Variants in C5 observed in about 807,000 individuals in gnomAD.
The protein encoded by C5 is C3 and PZP-like alpha-2-macroglobulin domain-containing protein 4.
C5 carries 140 observed loss-of-function variants against 218.8 expected under a neutral mutation model. That is an observed-to-expected ratio of 0.64 (90% CI 0.56 to 0.74). C5 has a LOEUF of 0.74. Ranked by LOEUF, C5 falls within the 30% of genes least tolerant of loss-of-function variation. The probability of loss-of-function intolerance (pLI) is 0.00; values close to 1 mark genes in which losing one functional copy is unlikely to be tolerated. For missense variants in C5, 1,700 were observed against 1,969.6 expected (o/e 0.86, Z 2.59); for synonymous variants, 614 against 682.3 (o/e 0.90, Z 1.56).
intron 7 of C5, among the ~76,000 whole-genome samples, chr9:121,029,063 T>C (rs189040680): frequency 2.0e-5 from 3 of 152,344 alleles, no homozygotes; most frequent in East Asian, 3.9e-4. Flanking sequence ...CTCACTGTTA[T>C]ATGAGATCTA....
chr9:121,004,872 C>T (rs914201574), intron 20 of C5, among the ~76,000 whole-genome samples: 2 of 151,420 alleles, frequency 1.3e-5, no homozygotes, highest in African/African-American at 4.9e-5. Context: ...TTTAAGATAC[C>T]AATATTTAAA....
chr9:120,961,571 G>A lies in C5; in HGVS notation c.4505-6C>T. 6.3e-7 allele frequency: 1 copy of A among 1,589,214 alleles called. No individual in the cohort carries two copies. The highest frequency in any genetic ancestry group is 1.3e-5 in the African/African-American group (1 of 74,512). ...AAACATGGTACACTGTTTATCTGTG[G>A]CAACAAAAGTGTGGTTAAGAGAAGT... On this transcript the variant is annotated splice_polypyrimidine_tract_variant and splice_region_variant and intron_variant, in intron 36 of 40. Coordinates refer to ENST00000223642, the MANE Select transcript of C5 (RefSeq NM_001735.3).
chr9:121,059,205 T>C, the C5 span, among the ~76,000 whole-genome samples: 1 of 152,116 alleles, frequency 6.6e-6, no homozygotes, highest in Non-Finnish European at 1.5e-5. The surrounding 1 kb of genome is among the most constrained non-coding windows in gnomAD (Gnocchi z 4.1). Context: ...TCCTAAATAA[T>C]AATGGAATAG....
rs759910064 is a variant in C5, at chr9:121,014,086, T to C, written c.2060-16A>G. 1 of 1,607,482 alleles carries C rather than the reference T, an allele frequency of 6.2e-7. No homozygotes were observed. Among genetic ancestry groups the C allele is most frequent in the South Asian group, 1.1e-5 (1 of 90,918 alleles). ...TATTTAGCAGCTGAAATGGTAATAA[T>C]GCAAGTGCTCTTGATGACGCAGAGT... On this transcript the variant is annotated splice_polypyrimidine_tract_variant and intron_variant, in intron 16 of 40. Transcript: ENST00000223642.
At chr9:121,024,742 T>C (rs149206486) in intron 9 of C5, among the ~76,000 whole-genome samples, 3 of 152,346 alleles carry the variant, frequency 2.0e-5, no homozygotes, top group South Asian at 4.1e-4. Flanking sequence ...TGAATCCTAT[T>C]GCATTAATAT....
chr9:120,981,561 T>G (rs193019619), intron 27 of C5, among the ~76,000 whole-genome samples: 7 of 152,300 alleles, frequency 4.6e-5, no homozygotes, highest in African/African-American at 7.2e-5. Context: ...AGCTATCAGT[T>G]TTAGACCCAG....
Position 121,050,192 on chromosome 9 carries a change from G to A in C5, c.55C>T (p.Gln19Ter), listed in dbSNP as rs121909587. ...GCTTGTTTTACTTACGTTTGCTCCT[G>A]TCCCCAGGTTTTCCCCAGGAAGATT... ...FLIFLGKTWG[Q>*]EQTYVISAPK... The change falls in exon 1 of 41, where the codon CAG (glutamine) becomes TAG (stop). Residue 19 changes from glutamine (Q) to a stop codon, truncating the protein, a stop_gained. Transcript: ENST00000223642. LOFTEE classifies it high-confidence loss of function. 128 of 1,613,268 alleles carry A rather than the reference G, an allele frequency of 7.9e-5. 1 individual carries two copies. The African/African-American group carries it at 1.5e-3, about 18-fold the overall frequency.
rs922606146 is a variant in C5, at chr9:121,004,216, T to C, written c.2562+1703A>G. ...ATTTTATTTCTATATTTAATAACTT[T>C]AGAAATATGTTATTTTATCAATAGT... is the stretch of plus-strand genomic sequence containing the variant. On this transcript the variant is annotated intron_variant, in intron 20 of 40. Coordinates refer to ENST00000223642, the MANE Select transcript of C5 (RefSeq NM_001735.3). Among the ~76,000 whole-genome samples the C allele has an allele frequency of 6.6e-5, 10 of 152,068 alleles. 1 individual carries two copies. Among genetic ancestry groups the C allele is most frequent in the East Asian group, 1.9e-4 (1 of 5,200 alleles).
the C5 span, among the ~76,000 whole-genome samples, chr9:121,063,388 C>T: frequency 5.9e-5 from 9 of 151,884 alleles, no homozygotes; most frequent in East Asian, 5.8e-4. Flanking sequence ...TTATAATTTT[C>T]GTCTTATTCT....
intron 33 of C5, 28 bp from the exon 34 acceptor site, chr9:120,963,766 T>C (rs1298254715): frequency 1.3e-6 from 2 of 1,520,806 alleles, no homozygotes; most frequent in South Asian, 2.3e-5. Context: ...TTAGAAAATA[T>C]AATAAATAAG....
intron 25 of C5, among the ~76,000 whole-genome samples, chr9:120,987,244 T>C (rs2047039314): frequency 6.6e-6 from 1 of 152,146 alleles, no homozygotes; most frequent in South Asian, 2.1e-4. Flanking sequence ...TAGGGGGCCA[T>C]TGGCCTAGAT....
chr9:121,053,582 C>T (rs558345819), upstream of C5, among the ~76,000 whole-genome samples: 1 of 152,190 alleles, frequency 6.6e-6, no homozygotes, highest in East Asian at 1.9e-4. Context: ...GGTGAGTGAT[C>T]ACAGTGCCTA....
At chr9:120,998,557 T>C (rs2047136502) in intron 20 of C5, among the ~76,000 whole-genome samples, 1 of 152,226 alleles carries the variant, frequency 6.6e-6, no homozygotes, top group African/African-American at 2.4e-5. Flanking sequence ...GCCCTGCCCA[T>C]TATGTCCCCA....
Position 121,004,983 on chromosome 9 carries a change from T to TAA in C5, c.2562+934_2562+935dup, listed in dbSNP as rs41309886. Among the ~76,000 whole-genome samples, 353 of 150,060 alleles carry TAA rather than the reference T, an allele frequency of 2.4e-3. 1 individual carries two copies. The highest frequency in any genetic ancestry group is 7.6e-3 in the African/African-American group (313 of 41,018). On this transcript the variant is annotated intron_variant, in intron 20 of 40. Coordinates refer to ENST00000223642, the MANE Select transcript of C5 (RefSeq NM_001735.3). ...CAGAGGGCAGAGCGAGACTCCGTCT[T>TAA]AAAAAAAAAAGTGTCAGAGGGATAC...
intron 16 of C5, 150 bp from the exon 17 acceptor site, chr9:121,014,220 G>A (rs2047287795): frequency 5.5e-6 from 4 of 722,984 alleles, no homozygotes; most frequent in Admixed American, 2.0e-5. Context: ...GACTCCCCTT[G>A]GAACTATTCT....
Position 120,981,904 on chromosome 9 carries a change from T to C in C5, c.3426A>G (p.Leu1142=), listed in dbSNP as rs887294548. The change falls in exon 27 of 41, where the codon TTA becomes TTG. Residue 1142 remains leucine, a synonymous_variant. Coordinates refer to ENST00000223642, the MANE Select transcript of C5 (RefSeq NM_001735.3). ...TLPVEARENS[L]YLTAFTVIGI... ...CAATCACAGTAAAGGCTGTAAGATA[T>C]AAGCTGTTCTCTCGGGCTTCAACAG... 22 of 1,613,982 alleles carry C rather than the reference T, an allele frequency of 1.4e-5. No individual in the cohort carries two copies. Among genetic ancestry groups the C allele is most frequent in the African/African-American group, 4.0e-5 (3 of 74,920 alleles).
chr9:120,996,699 C>T (rs975885492), intron 21 of C5, among the ~76,000 whole-genome samples: 2 of 152,184 alleles, frequency 1.3e-5, no homozygotes, highest in East Asian at 1.9e-4. Context: ...CCAGCAGCCT[C>T]GCTCCAGAGA....
Position 120,971,882 on chromosome 9 carries a change from G to A in C5, c.4080+48C>T, listed in dbSNP as rs1357068267. The A allele has an allele frequency of 2.8e-6, 4 of 1,414,484 alleles. No homozygotes were observed. In the African/African-American group the frequency reaches 5.6e-5, roughly 20 times the overall value. The allele number at this position is 1,414,484 out of a possible 1,614,324, so 87.6% of individuals were successfully genotyped here. On this transcript the variant is annotated intron_variant, in intron 31 of 40. Coordinates refer to ENST00000223642, the MANE Select transcript of C5 (RefSeq NM_001735.3). ...AAGCTCCTAACTTTTATGTTACCTA[G>A]TACAAATGGACACATAACTCGTTAT...
At chr9:120,972,139 A>G in intron 30 of C5, 147 bp from the exon 31 acceptor site, 2 of 706,970 alleles carry the variant, frequency 2.8e-6, no homozygotes, top group Non-Finnish European at 5.1e-6. Context: ...TGAAAATCCT[A>G]TGCCCATGGC....
Sources: gnomAD v4.1 joint callset for allele counts (sites outside exome capture counted in the v4.1 genomes callset) on GRCh38, gnomAD v4.1.1 for gene constraint, Gnocchi (gnomAD v3.1) non-coding constraint, MANE v1.5 for transcripts, NCBI Gene and HGNC (gene_info 2026-07-23, HGNC 2026-07-21) for gene names.